The following CARS1 variants were observed in gnomAD, a reference collection of about 807,000 sequenced individuals.
CARS1 encodes the protein cysteine--tRNA ligase, cytoplasmic.
CARS1 carries 48 observed loss-of-function variants against 106.2 expected under a neutral mutation model. The ratio of observed to expected loss-of-function variants is 0.45; its 90% confidence interval spans 0.36 to 0.57. The LOEUF (loss-of-function observed/expected upper bound fraction) is 0.57. Among genes scored for constraint, CARS1 ranks in the 20% least tolerant of loss-of-function variants. The pLI is 0.00. For missense variants in CARS1, 968 were observed against 1,057.2 expected (o/e 0.92, Z 1.17); for synonymous variants, 409 against 403.4 (o/e 1.01, Z -0.17).
chr11:3,019,202 G>A lies in CARS1; in HGVS notation c.1332C>T (p.Asp444=), dbSNP rs142832675. 99 of 1,531,534 alleles carry A rather than the reference G, an allele frequency of 6.5e-5. No homozygotes were observed. The highest frequency in any genetic ancestry group is 8.4e-5 in the Non-Finnish European group (96 of 1,140,982). 94.9% of individuals were successfully genotyped at this position (1,531,534 alleles called of 1,614,324 possible). A position where few individuals can be genotyped will look rare whatever the true frequency, so the allele number is the denominator to read the frequency against. Residue 444 remains aspartate (D), a synonymous_variant, in exon 12 of 23, where the codon GAC becomes GAT. Transcript: ENST00000380525. The surrounding 1 kb of genome is among the most constrained non-coding windows in gnomAD (Gnocchi z 6.2). ...GGAGGTCGAACCCACCTCCGTGAAT[G>A]TCCATCGAAGCCCCTAGGAGGGTGC... is the stretch of plus-strand genomic sequence containing the variant. The part of the protein sequence containing the change: ...MAGTLLGASM[D]IHGGGFDLRF...
rs1323458557 is a variant in CARS1 at position 3,020,485 on chromosome 11, G to C, written c.1154-153C>G. Among the ~76,000 whole-genome samples, 1 of 152,230 alleles carries C rather than the reference G, an allele frequency of 6.6e-6. No homozygotes were observed. Among genetic ancestry groups the C allele is most frequent in the Non-Finnish European group, 1.5e-5 (1 of 68,044 alleles). ...TCAAGCATTTCTTCAAGTTAACTAT[G>C]TATTACCAGATTCTGGTGTTGACCC... is the stretch of plus-strand genomic sequence containing the variant. On this transcript the variant is annotated intron_variant, in intron 10 of 22. Transcript: ENST00000380525. The surrounding 1 kb of genome is among the most constrained non-coding windows in gnomAD (Gnocchi z 4.6).
chr11:3,024,734 C>T (rs1038769670), intron 10 of CARS1, among the ~76,000 whole-genome samples: 9 of 152,186 alleles, frequency 5.9e-5, no homozygotes, highest in Non-Finnish European at 8.8e-5. Flanking sequence ...AGGTGTGGGT[C>T]GCCATGTCTG....
Position 3,052,933 on chromosome 11 carries a change from A to G in CARS1, c.25+4410T>C, listed in dbSNP as rs770746286. Among the ~76,000 whole-genome samples, 1 of 152,184 alleles carries G rather than the reference A, an allele frequency of 6.6e-6. No individual in the cohort carries two copies. Among genetic ancestry groups the G allele is most frequent in the Non-Finnish European group, 1.5e-5 (1 of 68,024 alleles). On this transcript the variant is annotated intron_variant, in intron 1 of 22. Coordinates refer to ENST00000380525, the MANE Select transcript of CARS1 (RefSeq NM_001014437.3). The surrounding 1 kb of genome is among the most constrained non-coding windows in gnomAD (Gnocchi z 4.6). ...GTGCCGAAACTCCTGCTCTGCCCCC[A>G]TGAGAAGGAATGTCCACCACCGGAT... is the stretch of plus-strand genomic sequence containing the variant.
intron 1 of CARS1, among the ~76,000 whole-genome samples, chr11:3,051,556 CTT>C (rs1161250265): frequency 6.6e-6 from 1 of 152,236 alleles, no homozygotes; most frequent in Non-Finnish European, 1.5e-5. Context: ...CCTACAAACT[CTT>C]TTGCAGAGCA....
chr11:3,026,961 T>C, intron 9 of CARS1, 164 bp from the exon 10 acceptor site: 1 of 757,230 alleles, frequency 1.3e-6, no homozygotes, highest in African/African-American at 1.8e-5. Context: ...TTGGACTGAG[T>C]GGGACACCAG....
chr11:3,018,804 C>T (rs1851291974), intron 12 of CARS1, 55 bp from the exon 13 acceptor site: 1 of 1,580,320 alleles, frequency 6.3e-7, no homozygotes, highest in South Asian at 1.2e-5. Flanking sequence ...GGGCCGCCTC[C>T]TGCCACCTGC....
At chr11:3,026,599 C>G (rs143387028) in intron 10 of CARS1, 77 bp downstream of exon 10, 1 of 1,538,528 alleles carries the variant, frequency 6.5e-7, no homozygotes, top group South Asian at 1.2e-5. Flanking sequence ...GCGCAGCCCC[C>G]GTGGCCTGCA....
chr11:3,039,061 C>T lies in CARS1; in HGVS notation c.651+133G>A, dbSNP rs767851496. ...CCTATGGAGACTTCAGCGCCCCTGA[C>T]GGAACTGGCTTGAGTAACATACACT... On this transcript the variant is annotated intron_variant, in intron 6 of 22. Transcript: ENST00000380525. This position sits in a 1 kb window ranked among gnomAD's most constrained non-coding sequence, Gnocchi z 5.6. 1.4e-4 allele frequency: 84 copies of T among 601,928 alleles called. No individual in the cohort carries two copies. Among genetic ancestry groups the T allele is most frequent in the South Asian group, 3.8e-4 (18 of 47,774 alleles). 37.3% of individuals were successfully genotyped at this position (601,928 alleles called of 1,614,324 possible).
Position 3,001,997 on chromosome 11 carries a change from G to A in CARS1, c.2334C>T (p.Thr778=), listed in dbSNP as rs572490992. 1.9e-5 allele frequency: 31 copies of A among 1,613,638 alleles called. No individual in the cohort carries two copies. Among genetic ancestry groups the A allele is most frequent in the South Asian group, 1.3e-4 (12 of 91,082 alleles). ...IPPSEMFLSE[T]DKYSKFDENG... Reference sequence around the variant, plus strand: ...TTTCATCAAACTTGGAGTATTTGTCGGTTTCTGACAAGAACATCTCACTGG... The same window carrying A: ...TTTCATCAAACTTGGAGTATTTGTCAGTTTCTGACAAGAACATCTCACTGG... Residue 778 remains threonine, a synonymous_variant, in exon 22 of 23, where the codon ACC becomes ACT. Transcript: ENST00000380525.
chr11:3,016,081 C>G (rs1850961567), intron 16 of CARS1, among the ~76,000 whole-genome samples: 1 of 152,184 alleles, frequency 6.6e-6, no homozygotes, highest in Admixed American at 6.5e-5. Context: ...CCAGAAGCCA[C>G]TGGAGCCCAA....
Position 3,038,367 on chromosome 11 carries a change from C to G in CARS1, c.652-168G>C, listed in dbSNP as rs1410669327. Among the ~76,000 whole-genome samples, 1 of 152,202 alleles carries G rather than the reference C, an allele frequency of 6.6e-6. No homozygotes were observed. Among genetic ancestry groups the G allele is most frequent in the Non-Finnish European group, 1.5e-5 (1 of 68,038 alleles). On this transcript the variant is annotated intron_variant, in intron 6 of 22. Transcript: ENST00000380525. This position sits in a 1 kb window ranked among gnomAD's most constrained non-coding sequence, Gnocchi z 4.0. ...AGTAAGGAACTAAGAGAGACTGAAGCTCCCGGCTCAGGAGCTCCTGGTTCT... is the reference window on the plus strand; with the variant it reads ...AGTAAGGAACTAAGAGAGACTGAAGGTCCCGGCTCAGGAGCTCCTGGTTCT...
Position 3,017,318 on chromosome 11 carries a change from T to G in CARS1, c.1728-23A>C, listed in dbSNP as rs567408805. ...AAGCTGAGCAACAAAGAGGAAGGAA[T>G]GTGAAGTCAGACCTGAAAACACACC... is the stretch of plus-strand genomic sequence containing the variant. On this transcript the variant is annotated intron_variant, in intron 15 of 22. Transcript: ENST00000380525. The surrounding 1 kb of genome is among the most constrained non-coding windows in gnomAD (Gnocchi z 4.9). 5.6e-6 allele frequency: 9 copies of G among 1,600,636 alleles called. No individual in the cohort carries two copies. In the East Asian group the frequency reaches 2.0e-4, roughly 36 times the overall value.
rs1402458344 is a variant in CARS1 at position 3,028,081 on chromosome 11, G to C, written c.1031+915C>G. ...CCTTCTAGATAGCAGTAGCAAATTAGTGAAAGTACTAAAAGTCTCTGATAT... is the reference window on the plus strand; with the variant it reads ...CCTTCTAGATAGCAGTAGCAAATTACTGAAAGTACTAAAAGTCTCTGATAT... On this transcript the variant is annotated intron_variant, in intron 9 of 22. Coordinates refer to ENST00000380525, the MANE Select transcript of CARS1 (RefSeq NM_001014437.3). This position sits in a 1 kb window ranked among gnomAD's most constrained non-coding sequence, Gnocchi z 4.4. 1 of 290,400 alleles carries C rather than the reference G, an allele frequency of 3.4e-6. No homozygotes were observed. Among genetic ancestry groups the C allele is most frequent in the African/African-American group, 2.2e-5 (1 of 45,630 alleles). The allele number at this position is 290,400 out of a possible 1,614,324, so 18.0% of individuals were successfully genotyped here.
chr11:3,031,227 C>T (rs756828788), intron 7 of CARS1: 3 of 152,086 alleles, frequency 2.0e-5, no homozygotes, highest in Non-Finnish European at 4.4e-5. Context: ...AGAGAGAATA[C>T]TTTTATAATG....
Position 3,042,231 on chromosome 11 carries a change from C to A in CARS1, c.300G>T (p.Gln100His). The A allele has an allele frequency of 6.2e-7, 1 of 1,613,324 alleles. No homozygotes were observed. Among genetic ancestry groups the A allele is most frequent in the Non-Finnish European group, 8.5e-7 (1 of 1,179,972 alleles). The change falls in exon 3 of 23, where the codon CAG becomes CAT. Residue 100 changes from glutamine to histidine, a missense_variant. By Grantham distance (24) the Gln-to-His change is conservative. Transcript: ENST00000380525. ...GCTGGGTCCCAGCAGGAGGGGACCACTGGGGCTGCACACGCCGGCCTTTGC... is the reference window on the plus strand; with the variant it reads ...GCTGGGTCCCAGCAGGAGGGGACCAATGGGGCTGCACACGCCGGCCTTTGC... ...QASKGRRVQP[Q>H]WSPPAGTQPC...
In CARS1 at chr11:3,044,585, T is replaced by C. The variant is rs1352923713; in HGVS notation, c.275-2329A>G. ...CCAATTTTTGTATCTTTAGTAGGGATGGGGTTTCACCATATTGGCCAGGCT... is the reference window on the plus strand; with the variant it reads ...CCAATTTTTGTATCTTTAGTAGGGACGGGGTTTCACCATATTGGCCAGGCT... On this transcript the variant is annotated intron_variant, in intron 2 of 22. Coordinates refer to ENST00000380525, the MANE Select transcript of CARS1 (RefSeq NM_001014437.3). This position sits in a 1 kb window ranked among gnomAD's most constrained non-coding sequence, Gnocchi z 4.4. Among the ~76,000 whole-genome samples the C allele has an allele frequency of 6.6e-6, 1 of 152,126 alleles. No individual in the cohort carries two copies. Among genetic ancestry groups the C allele is most frequent in the Non-Finnish European group, 1.5e-5 (1 of 68,026 alleles).
rs370538586 is a variant in CARS1 at position 3,029,273 on chromosome 11, G to C, written c.942+30C>G. 23 of 1,609,846 alleles carry C rather than the reference G, an allele frequency of 1.4e-5. No individual in the cohort carries two copies. The highest frequency in any genetic ancestry group is 8.0e-5 in the African/African-American group (6 of 74,806). On this transcript the variant is annotated intron_variant, in intron 8 of 22. Coordinates refer to ENST00000380525, the MANE Select transcript of CARS1 (RefSeq NM_001014437.3). The surrounding 1 kb of genome is among the most constrained non-coding windows in gnomAD (Gnocchi z 5.9). ...AGAAATCAGGGCCCTTAGCGCAAGA[G>C]AGCCAGCACAAGACAATCGTGACAC... is the stretch of plus-strand genomic sequence containing the variant.
In CARS1 at chr11:3,002,028, A is replaced by T. The variant is rs765234894; in HGVS notation, c.2303T>A (p.Ile768Asn). 2 of 1,613,658 alleles carry T rather than the reference A, an allele frequency of 1.2e-6. No individual in the cohort carries two copies. The highest frequency in any genetic ancestry group is 1.3e-5 in the African/African-American group (1 of 74,940). ...TGACAAGAACATCTCACTGGGGGGA[A>T]TCTTCATCTTGGCCAGCTTTGCTGC... is the stretch of plus-strand genomic sequence containing the variant. ...QEAAKLAKMK[I>N]PPSEMFLSET... is the part of the protein sequence containing the mutation. The change falls in exon 22 of 23, where the codon ATT becomes AAT. Residue 768 changes from isoleucine to asparagine, a missense_variant. Physicochemically the swap from Ile to Asn is moderately radical, Grantham distance 149 (BLOSUM62 -3). Transcript: ENST00000380525.
chr11:3,020,927 T>A lies in CARS1; in HGVS notation c.1154-595A>T, dbSNP rs1267875380. ...ATAGGTGAAGGAAACTAAAGAATAGTCCAGGAAGGCCATAAGAAAAGGGGA... is the reference window on the plus strand; with the variant it reads ...ATAGGTGAAGGAAACTAAAGAATAGACCAGGAAGGCCATAAGAAAAGGGGA... On this transcript the variant is annotated intron_variant, in intron 10 of 22. Transcript: ENST00000380525. The surrounding 1 kb of genome is among the most constrained non-coding windows in gnomAD (Gnocchi z 4.6). Among the ~76,000 whole-genome samples, 6 of 152,236 alleles carry A rather than the reference T, an allele frequency of 3.9e-5. No homozygotes were observed. The East Asian group carries it at 1.2e-3, about 29-fold the overall frequency.
Sources: gnomAD v4.1 joint callset for allele counts (sites outside exome capture counted in the v4.1 genomes callset) on GRCh38, gnomAD v4.1.1 for gene constraint, Gnocchi (gnomAD v3.1) non-coding constraint, MANE v1.5 for transcripts, NCBI Gene and HGNC (gene_info 2026-07-23, HGNC 2026-07-21) for gene names.